The following SCNN1G variants were observed in gnomAD, a reference collection of about 807,000 sequenced individuals.
SCNN1G encodes sodium channel epithelial 1 subunit gamma, also known as epithelial sodium channel subunit gamma.
A neutral mutation model predicts 64.6 loss-of-function variants in SCNN1G; 27 were observed. The ratio of observed to expected loss-of-function variants is 0.42; its 90% confidence interval spans 0.31 to 0.58. The LOEUF is 0.58. SCNN1G is among the 20% of genes least tolerant of loss of function. SCNN1G has a pLI of 0.18. For missense variants in SCNN1G, 743 were observed against 823.4 expected (o/e 0.90, Z 1.19); for synonymous variants, 330 against 314.2 (o/e 1.05, Z -0.53).
chr16:23,204,512 A>G (rs1959959788), intron 6 of SCNN1G, among the ~76,000 whole-genome samples: 2 of 147,050 alleles, frequency 1.4e-5, no homozygotes, highest in Admixed American at 1.4e-4. Flanking sequence ...ATATATATAT[A>G]CATATATAAT....
At position 23,215,553 on chromosome 16, in the gene SCNN1G, G is replaced by C; in HGVS notation, c.*84G>C. 1 of 1,526,252 alleles carries C rather than the reference G, an allele frequency of 6.6e-7. No homozygotes were observed. Among genetic ancestry groups the C allele is most frequent in the Non-Finnish European group, 9.0e-7 (1 of 1,113,896 alleles). 94.5% of individuals were successfully genotyped at this position (1,526,252 alleles called of 1,614,324 possible). On this transcript the variant is annotated 3_prime_UTR_variant, in exon 13 of 13. Coordinates refer to ENST00000300061, the MANE Select transcript of SCNN1G (RefSeq NM_001039.4). ...TCGGGTGCCCCCAGACGTGTGCACA[G>C]GGGACCCTCTGCCCCACTCTGGGCT... is the stretch of plus-strand genomic sequence containing the variant.
chr16:23,194,354 G>A lies in SCNN1G; in HGVS notation c.913+80G>A, dbSNP rs969788780. The A allele has an allele frequency of 1.9e-4, 194 of 998,628 alleles. 3 individuals are homozygous for A. In the Admixed American group the frequency reaches 3.3e-3, roughly 17 times the overall value. 61.9% of individuals were successfully genotyped at this position (998,628 alleles called of 1,614,324 possible). A position where few individuals can be genotyped will look rare whatever the true frequency, so the allele number is the denominator to read the frequency against. On this transcript the variant is annotated intron_variant, in intron 5 of 12. Transcript: ENST00000300061. Reference sequence around the variant, plus strand: ...GCAGCAGGACAGTGGGGATGCGGGAGCCCTCTGGAAAAGCGGGATCTCTCC... The same window carrying A: ...GCAGCAGGACAGTGGGGATGCGGGAACCCTCTGGAAAAGCGGGATCTCTCC...
intron 6 of SCNN1G, among the ~76,000 whole-genome samples, chr16:23,201,245 C>T (rs1005297302): frequency 9.2e-5 from 14 of 152,188 alleles, no homozygotes; most frequent in African/African-American, 2.7e-4. Flanking sequence ...GGATTTGCAG[C>T]GCATCCTTCC....
chr16:23,207,957 ACCC>A (rs1020074248), intron 6 of SCNN1G, among the ~76,000 whole-genome samples: 5 of 152,010 alleles, frequency 3.3e-5, no homozygotes, highest in African/African-American at 1.2e-4. Flanking sequence ...TTTTCTCTTT[ACCC>A]CCATCTCCCC....
In SCNN1G at chr16:23,212,968, C is replaced by T. The variant is rs567487737; in HGVS notation, c.1431+74C>T. On this transcript the variant is annotated intron_variant, in intron 10 of 12. Transcript: ENST00000300061. ...CCCACTGACATTTTTGCTGTGTCCT[C>T]TGGCCTGGGACATGGTCCAGGGGGA... 30 of 1,548,010 alleles carry T rather than the reference C, an allele frequency of 1.9e-5. No homozygotes were observed. The African/African-American group carries it at 3.8e-4, about 20-fold the overall frequency.
At chr16:23,190,918 A>G (rs372073139) in intron 3 of SCNN1G, among the ~76,000 whole-genome samples, 5 of 127,582 alleles carry the variant, frequency 3.9e-5, no homozygotes, top group African/African-American at 1.2e-4. Flanking sequence ...ATCTCGGCTC[A>G]CTGCAACTTC....
intron 8 of SCNN1G, among the ~76,000 whole-genome samples, 171 bp downstream of exon 8, chr16:23,212,322 C>T (rs72647524): frequency 1.3e-5 from 2 of 152,192 alleles, no homozygotes; most frequent in African/African-American, 4.8e-5. Context: ...TTAAATTATA[C>T]TTTGCAACTG....
At chr16:23,193,069 C>CAAAAA (rs56318076) in intron 4 of SCNN1G, among the ~76,000 whole-genome samples, 10 of 69,128 alleles carry the variant, frequency 1.4e-4, no homozygotes, top group African/African-American at 3.6e-4. Context: ...ACTCTTGTCT[C>CAAAAA]AAAAAAAAAA....
At chr16:23,196,389 C>T (rs1322384235) in intron 5 of SCNN1G, 1 of 149,798 alleles carries the variant, frequency 6.7e-6, no homozygotes, top group Non-Finnish European at 1.5e-5. Flanking sequence ...GTAGGCAGGG[C>T]TGTATCATCA....
intron 1 of SCNN1G, among the ~76,000 whole-genome samples, chr16:23,183,788 A>G (rs1261676460): frequency 1.3e-5 from 2 of 152,184 alleles, no homozygotes; most frequent in Non-Finnish European, 2.9e-5. Context: ...GATAGCTGCC[A>G]TTATTGCTGC....
chr16:23,199,019 G>A (rs1018622705), intron 6 of SCNN1G, among the ~76,000 whole-genome samples: 3 of 134,766 alleles, frequency 2.2e-5, no homozygotes, highest in African/African-American at 7.8e-5. Flanking sequence ...GTGAGACCCT[G>A]CCTCTATTTT....
At chr16:23,188,900 G>A (rs976341849) in intron 2 of SCNN1G, among the ~76,000 whole-genome samples, 9 of 152,136 alleles carry the variant, frequency 5.9e-5, no homozygotes, top group Admixed American at 6.5e-5. Flanking sequence ...GGGGGTCATC[G>A]AGGTAACAGT....
chr16:23,185,180 G>A (rs1436919192), intron 1 of SCNN1G, among the ~76,000 whole-genome samples: 1 of 152,076 alleles, frequency 6.6e-6, no homozygotes, highest in Non-Finnish European at 1.5e-5. Context: ...ACCTCTCTGA[G>A]CCCATTTTTC....
intron 2 of SCNN1G, 21 bp downstream of exon 2, chr16:23,186,609 A>C: frequency 6.2e-7 from 1 of 1,605,010 alleles, no homozygotes. Context: ...TGAGCAGGGA[A>C]ACGCGAGTAG....
chr16:23,213,858 T>TG (rs1347203471), intron 11 of SCNN1G, among the ~76,000 whole-genome samples: 1 of 152,248 alleles, frequency 6.6e-6, no homozygotes, highest in Admixed American at 6.5e-5. Context: ...ACCAAGCAAT[T>TG]GCAAACCATT....
rs1194229339 is a variant in SCNN1G at position 23,215,112 on chromosome 16, C to T, written c.1593C>T (p.Phe531=). 12 of 1,613,974 alleles carry T rather than the reference C, an allele frequency of 7.4e-6. No homozygotes were observed. The highest frequency in any genetic ancestry group is 1.7e-5 in the Admixed American group (1 of 60,012). Residue 531 remains phenylalanine (F), a synonymous_variant, in exon 13 of 13, where the codon TTC becomes TTT. Coordinates refer to ENST00000300061, the MANE Select transcript of SCNN1G (RefSeq NM_001039.4). Reference sequence around the variant, plus strand: ...AGATTGAGATGCTTCTGTCCAACTTCGGTGGCCAGCTGGGCCTGTGGATGA... The same window carrying T: ...AGATTGAGATGCTTCTGTCCAACTTTGGTGGCCAGCTGGGCCTGTGGATGA... The part of the protein sequence containing the change: ...ANSIEMLLSN[F]GGQLGLWMSC...
intron 4 of SCNN1G, among the ~76,000 whole-genome samples, chr16:23,193,069 C>CAAAAAAAAAAAAAAAA (rs56318076): frequency 1.4e-5 from 1 of 69,120 alleles, no homozygotes; most frequent in African/African-American, 7.3e-5. Flanking sequence ...ACTCTTGTCT[C>CAAAAAAAAAAAAAAAA]AAAAAAAAAA....
At position 23,215,386 on chromosome 16, in the gene SCNN1G, C is replaced by G. The variant is rs1245224779; in HGVS notation, c.1867C>G (p.Pro623Ala). 2 of 1,613,994 alleles carry G rather than the reference C, an allele frequency of 1.2e-6. No individual in the cohort carries two copies. Among genetic ancestry groups the G allele is most frequent in the African/African-American group, 1.3e-5 (1 of 74,916 alleles). ...PALGTQVPGT[P>A]PPKYNTLRLE... is the part of the protein sequence containing the mutation. ...CCTAGGAACCCAAGTGCCCGGCACACCGCCCCCCAAATACAATACCTTGCG... is the reference window on the plus strand; with the variant it reads ...CCTAGGAACCCAAGTGCCCGGCACAGCGCCCCCCAAATACAATACCTTGCG... The change falls in exon 13 of 13, where the codon CCG (proline) becomes GCG (alanine). Residue 623 changes from proline (P) to alanine (A), a missense_variant. Pro to Ala is a conservative substitution (Grantham distance 27). Transcript: ENST00000300061.
Position 23,189,620 on chromosome 16 carries a change from G to A in SCNN1G, c.567G>A (p.Lys189=). The A allele has an allele frequency of 6.2e-7, 1 of 1,614,226 alleles. No homozygotes were observed. The change falls in exon 3 of 13, where the codon AAG becomes AAA. Residue 189 remains lysine, a synonymous_variant. Coordinates refer to ENST00000300061, the MANE Select transcript of SCNN1G (RefSeq NM_001039.4). ...AAGTCGGCGGTAGCATCATTCACAA[G>A]GCTTCAAATGTCATGCACATCGAGT... is the stretch of plus-strand genomic sequence containing the variant. ...KRKVGGSIIH[K]ASNVMHIESK...
Sources: gnomAD v4.1 joint callset for allele counts (sites outside exome capture counted in the v4.1 genomes callset) on GRCh38, gnomAD v4.1.1 for gene constraint, MANE v1.5 for transcripts, NCBI Gene and HGNC (gene_info 2026-07-23, HGNC 2026-07-21) for gene names.